ANK3: variants seen among roughly 807,000 people sequenced by gnomAD.
The protein encoded by ANK3 is ankyrin-3.
In ANK3, 57 loss-of-function variants were observed where a neutral mutation model predicts 370.9. The observed-to-expected ratio is 0.15, with a 90% CI of 0.12 to 0.19. The LOEUF is 0.19. ANK3 is among the 10% of genes least tolerant of loss of function. ANK3 has a pLI of 1.00. For missense variants in ANK3, 4,439 were observed against 5,302.1 expected, an observed-to-expected ratio of 0.84 and a Z score of 5.06; for synonymous variants, 1,929 against 1,946.3, an observed-to-expected ratio of 0.99 and a Z score of 0.23.
intron 25 of ANK3, among the ~76,000 whole-genome samples, chr10:60,133,776 C>T (rs966970766): frequency 1.3e-5 from 2 of 152,052 alleles, no homozygotes; most frequent in African/African-American, 2.4e-5. Context: ...CAAAAATTAG[C>T]TGGGTGTGGT....
chr10:60,371,996 T>C (rs1200416141), intron 1 of ANK3, among the ~76,000 whole-genome samples: 1 of 152,164 alleles, frequency 6.6e-6, no homozygotes, highest in Non-Finnish European at 1.5e-5. Context: ...CATAAGGTAA[T>C]GGGAAATACT....
chr10:60,669,433 C>G (rs1042364503), intron 1 of ANK3, among the ~76,000 whole-genome samples: 1 of 152,162 alleles, frequency 6.6e-6, no homozygotes, highest in African/African-American at 2.4e-5. Context: ...GGCTTGCACC[C>G]TTTACTCAGC....
intron 2 of ANK3, among the ~76,000 whole-genome samples, chr10:60,450,002 G>A (rs185822512): frequency 0.024 from 3,593 of 152,180 alleles, 61 homozygotes; most frequent in Non-Finnish European, 0.038. Context: ...AAAAGAGAGA[G>A]AAAAAGATAA....
intron 1 of ANK3, among the ~76,000 whole-genome samples, chr10:60,732,223 G>A (rs1287568493): frequency 2.0e-5 from 3 of 152,248 alleles, no homozygotes; most frequent in Non-Finnish European, 4.4e-5. Context: ...TGAAAGGTAA[G>A]GGTAAGTCTC....
At chr10:60,134,437 T>G in intron 24 of ANK3, 64 bp from the exon 25 acceptor site, 2 of 1,262,244 alleles carry the variant, frequency 1.6e-6, no homozygotes, top group Non-Finnish European at 2.2e-6. Flanking sequence ...AAAAAAAAAT[T>G]AATGCATGCA....
chr10:60,227,754 T>A (rs2097184999), intron 8 of ANK3, among the ~76,000 whole-genome samples: 1 of 152,170 alleles, frequency 6.6e-6, no homozygotes, highest in Non-Finnish European at 1.5e-5. Flanking sequence ...TTTTCAATCT[T>A]AGGATTTCCA....
In ANK3 at chr10:60,730,324, A is replaced by C. The variant is rs540725958; in HGVS notation, c.57+2939T>G. Reference sequence around the variant, plus strand: ...AGGCACTTGCCCCCATGCCCTACTAATTTTTTCATTTTCTGTAGACACAGG... The same window carrying C: ...AGGCACTTGCCCCCATGCCCTACTACTTTTTTCATTTTCTGTAGACACAGG... On this transcript the variant is annotated intron_variant, in intron 1 of 43. Coordinates refer to the ANK3 transcript ENST00000373827. Among the ~76,000 whole-genome samples, 566 of 151,760 alleles carry C rather than the reference A, an allele frequency of 3.7e-3. 3 individuals are homozygous for C. Among genetic ancestry groups the C allele is most frequent in the Non-Finnish European group, 6.4e-3 (438 of 67,940 alleles).
chr10:60,557,787 G>A (rs540189627), intron 2 of ANK3, among the ~76,000 whole-genome samples: 171 of 152,190 alleles, frequency 1.1e-3, no homozygotes, highest in African/African-American at 4.0e-3. Flanking sequence ...AGACATAAAA[G>A]GGTCCAACTA....
At chr10:60,048,171 A>G (rs894523500) in intron 42 of ANK3, among the ~76,000 whole-genome samples, 1 of 152,186 alleles carries the variant, frequency 6.6e-6, no homozygotes, top group Admixed American at 6.5e-5. Flanking sequence ...AGCCAGAGCT[A>G]GCTCTGGGAG....
rs78704021 is a variant in ANK3 at position 60,463,241 on chromosome 10, T to C, written c.96+151945A>G. Among the ~76,000 whole-genome samples the C allele has an allele frequency of 3.6e-3, 542 of 152,316 alleles. 5 individuals are homozygous for C. The highest frequency in any genetic ancestry group is 0.011 in the African/African-American group (464 of 41,570). On this transcript the variant is annotated intron_variant, in intron 2 of 43. Transcript: ENST00000373827. ...ATAGCTAAGAAAGTTCTTTCCTCTT[T>C]TGGACTTGTTCCATAAGTTTTCTTA...
intron 2 of ANK3, among the ~76,000 whole-genome samples, chr10:60,395,320 A>G (rs1318232261): frequency 1.3e-5 from 2 of 152,208 alleles, no homozygotes. Context: ...TCAGTTAAAT[A>G]AAACATATTA....
At chr10:60,357,640 C>G (rs551801291) in intron 1 of ANK3, among the ~76,000 whole-genome samples, 2 of 152,292 alleles carry the variant, frequency 1.3e-5, no homozygotes, top group African/African-American at 2.4e-5. Flanking sequence ...TGAATGGACC[C>G]TCAACAGTGC....
intron 2 of ANK3, among the ~76,000 whole-genome samples, chr10:60,571,667 T>C (rs749337895): frequency 1.3e-5 from 2 of 152,226 alleles, no homozygotes; most frequent in Non-Finnish European, 2.9e-5. Context: ...GTCTTTTCCA[T>C]TGGTGGCACA....
chr10:60,457,842 A>G (rs921052352), intron 2 of ANK3, among the ~76,000 whole-genome samples: 1 of 152,068 alleles, frequency 6.6e-6, no homozygotes, highest in Non-Finnish European at 1.5e-5. Context: ...AAACCATTTA[A>G]GTCTGAGAGC....
chr10:60,248,784 C>A (rs1158272855), intron 7 of ANK3, among the ~76,000 whole-genome samples: 1 of 152,128 alleles, frequency 6.6e-6, no homozygotes, highest in Non-Finnish European at 1.5e-5. Context: ...TGAGGTTTGA[C>A]CCTGAGCTGT....
At position 60,348,732 on chromosome 10, in the gene ANK3, A is replaced by T. The variant is rs117071444; in HGVS notation, c.114+40693T>A. Among the ~76,000 whole-genome samples the T allele has an allele frequency of 2.6e-4, 40 of 152,334 alleles. No individual in the cohort carries two copies. The East Asian group carries it at 7.3e-3, about 28-fold the overall frequency. ...ATGATACATTATATTTCTATTTTAT[A>T]GAAGGGTACCTTTAAAAGAAAATGT... On this transcript the variant is annotated intron_variant, in intron 1 of 43. Coordinates refer to ENST00000280772, the MANE Select transcript of ANK3 (RefSeq NM_020987.5).
chr10:60,056,495 C>T (rs570597237), intron 41 of ANK3, among the ~76,000 whole-genome samples: 1 of 152,026 alleles, frequency 6.6e-6, no homozygotes, highest in East Asian at 1.9e-4. Flanking sequence ...ATGTAAAGGG[C>T]TCTCATGGGT....
intron 1 of ANK3, among the ~76,000 whole-genome samples, chr10:60,297,057 A>T (rs1373383903): frequency 6.6e-6 from 1 of 152,230 alleles, no homozygotes; most frequent in African/African-American, 2.4e-5. Flanking sequence ...TGTTTTCAAA[A>T]TATGACAATA....
chr10:60,533,316 C>T (rs1451585479), intron 2 of ANK3, among the ~76,000 whole-genome samples: 1 of 152,090 alleles, frequency 6.6e-6, no homozygotes, highest in African/African-American at 2.4e-5. Flanking sequence ...ATGTTTGGAT[C>T]AAGGAAGCTG....
Sources: gnomAD v4.1 joint callset for allele counts (sites outside exome capture counted in the v4.1 genomes callset) on GRCh38, gnomAD v4.1.1 for gene constraint, MANE v1.5 for transcripts, NCBI Gene and HGNC (gene_info 2026-07-23, HGNC 2026-07-21) for gene names.